The following DMRT1 variants were observed in gnomAD, a reference collection of about 807,000 sequenced individuals.
DMRT1 encodes doublesex and mab-3 related transcription factor 1, also known as doublesex- and mab-3-related transcription factor 1.
A neutral mutation model predicts 32.3 loss-of-function variants in DMRT1; 7 were observed. The ratio of observed to expected loss-of-function variants is 0.22; its 90% confidence interval spans 0.12 to 0.41. The LOEUF (loss-of-function observed/expected upper bound fraction) is 0.41. Among genes scored for constraint, DMRT1 ranks in the 10% least tolerant of loss-of-function variants. DMRT1 has a pLI of 1.00. For synonymous variants in DMRT1, 278 were observed against 206.1 expected, an observed-to-expected ratio of 1.35 and a Z score of -2.99; for missense variants, 625 against 500.5, an observed-to-expected ratio of 1.25 and a Z score of -2.37.
chr9:895,801 CTT>C lies in DMRT1; in HGVS notation c.822+1627_822+1628del, dbSNP rs1187539144. The stretch of plus-strand genomic sequence containing the variant: ...GAATTTACTCATCTTATAACTGAAA[CTT>C]TTTTTTTTTTTTTTTTTTTTGAGAG... On this transcript the variant is annotated intron_variant, in intron 3 of 4. Coordinates refer to ENST00000382276, the MANE Select transcript of DMRT1 (RefSeq NM_021951.3). 4.8e-3 allele frequency among the ~76,000 whole-genome samples: 587 copies of C among 121,930 alleles called. 3 individuals carry two copies. The highest frequency in any genetic ancestry group is 0.017 in the African/African-American group (526 of 31,096). The allele number at this position is 121,930 out of a possible 152,430, so 80.0% of individuals were successfully genotyped here.
rs572130915 is a variant in DMRT1 at position 927,924 on chromosome 9, T to C, written c.967+11017T>C. Among the ~76,000 whole-genome samples the C allele has an allele frequency of 2.6e-5, 4 of 152,360 alleles. No individual in the cohort carries two copies. In the South Asian group the frequency reaches 8.3e-4, roughly 32 times the overall value. The stretch of plus-strand genomic sequence containing the variant: ...GTGGTACATTGGAATGTCCGTTTGA[T>C]AGGAGGGCAAAGAGGAGAAACCCAT... On this transcript the variant is annotated intron_variant, in intron 4 of 4. Transcript: ENST00000382276.
chr9:844,820 A>G (rs1838836406), intron 1 of DMRT1, among the ~76,000 whole-genome samples: 1 of 149,650 alleles, frequency 6.7e-6, no homozygotes, highest in South Asian at 2.1e-4. Context: ...TCCTGGGTTC[A>G]AGCGATTCTT....
chr9:966,287 T>C (rs561487593), intron 4 of DMRT1, among the ~76,000 whole-genome samples: 1 of 152,342 alleles, frequency 6.6e-6, no homozygotes, highest in East Asian at 1.9e-4. Context: ...TTGGTTGCTA[T>C]ATTTATATAT....
intron 2 of DMRT1, among the ~76,000 whole-genome samples, chr9:888,043 T>C (rs1816998992): frequency 6.6e-6 from 1 of 152,214 alleles, no homozygotes; most frequent in Non-Finnish European, 1.5e-5. Context: ...TTCTGAAGAA[T>C]ATTAAATTTT....
Position 858,237 on chromosome 9 carries a change from T to C in DMRT1, c.538+11094T>C, listed in dbSNP as rs149193568. ...GGGAAGAGGGCAGTTCACAAAGACT[T>C]TCAGACCTGGTTGTAGCATTGGGGA... On this transcript the variant is annotated intron_variant, in intron 2 of 4. Coordinates refer to ENST00000382276, the MANE Select transcript of DMRT1 (RefSeq NM_021951.3). Among the ~76,000 whole-genome samples the C allele has an allele frequency of 1.9e-3, 291 of 152,242 alleles. 2 individuals are homozygous for C. The highest frequency in any genetic ancestry group is 6.8e-3 in the African/African-American group (281 of 41,538).
chr9:931,362 A>C (rs1178503160), intron 4 of DMRT1, among the ~76,000 whole-genome samples: 2 of 152,216 alleles, frequency 1.3e-5, no homozygotes, highest in Admixed American at 6.5e-5. Flanking sequence ...TGAATTCAAC[A>C]TACAAATGTA....
At chr9:946,317 C>A (rs937185804) in intron 4 of DMRT1, among the ~76,000 whole-genome samples, 1 of 152,044 alleles carries the variant, frequency 6.6e-6, no homozygotes, top group Non-Finnish European at 1.5e-5. Flanking sequence ...TTGGTATTAT[C>A]CAACATGTAC....
In DMRT1 at chr9:966,563, G is replaced by A. The variant is rs374482698; in HGVS notation, c.968-1422G>A. 2.6e-5 allele frequency among the ~76,000 whole-genome samples: 4 copies of A among 152,062 alleles called. No homozygotes were observed. In the East Asian group the frequency reaches 5.8e-4, roughly 22 times the overall value. On this transcript the variant is annotated intron_variant, in intron 4 of 4. Transcript: ENST00000382276. Reference sequence around the variant, plus strand: ...GGTAGCTGTACAAAACTATCCATTTGTCTATCTGTCTACCCATATGTCACA... The same window carrying A: ...GGTAGCTGTACAAAACTATCCATTTATCTATCTGTCTACCCATATGTCACA...
chr9:954,760 G>C (rs1334636957), intron 4 of DMRT1, among the ~76,000 whole-genome samples: 1 of 152,104 alleles, frequency 6.6e-6, no homozygotes, highest in Non-Finnish European at 1.5e-5. Context: ...TCCTGCCTCA[G>C]CCTCCCTAGT....
intron 3 of DMRT1, among the ~76,000 whole-genome samples, chr9:914,398 C>T (rs750775376): frequency 3.3e-5 from 5 of 151,706 alleles, no homozygotes; most frequent in Middle Eastern, 3.2e-3. Context: ...CACGGTAAAA[C>T]CCTGTCTCTT....
chr9:877,258 G>T (rs890121123), intron 2 of DMRT1, among the ~76,000 whole-genome samples: 1 of 152,134 alleles, frequency 6.6e-6, no homozygotes, highest in African/African-American at 2.4e-5. Context: ...AAAATTGAGT[G>T]GTCTCGTTCC....
chr9:965,565 G>T lies in DMRT1; in HGVS notation c.968-2420G>T, dbSNP rs1819906404. Among the ~76,000 whole-genome samples, 1 of 152,188 alleles carries T rather than the reference G, an allele frequency of 6.6e-6. No homozygotes were observed. The highest frequency in any genetic ancestry group is 1.5e-5 in the Non-Finnish European group (1 of 68,034). ...AAAATTCCCACTCCTCCCCTTTTCAGTCCCAAGTTGGCTAAATGAGGAGAG... is the reference window on the plus strand; with the variant it reads ...AAAATTCCCACTCCTCCCCTTTTCATTCCCAAGTTGGCTAAATGAGGAGAG... On this transcript the variant is annotated intron_variant, in intron 4 of 4. Transcript: ENST00000382276. The surrounding 1 kb of genome is among the most constrained non-coding windows in gnomAD (Gnocchi z 4.5).
Position 870,403 on chromosome 9 carries a change from A to AAACTAACAACAACAAC in DMRT1, c.538+23263_538+23264insTAACAACAACAACAAC, listed in dbSNP as rs77281108. On this transcript the variant is annotated intron_variant, in intron 2 of 4. Coordinates refer to ENST00000382276, the MANE Select transcript of DMRT1 (RefSeq NM_021951.3). ...AACAAGAATGAAACTCTGTCTCAAA[A>AAACTAACAACAACAAC]AACAACAACAATAACAACAACAACA... Among the ~76,000 whole-genome samples the AAACTAACAACAACAAC allele has an allele frequency of 9.9e-3, 1,491 of 151,260 alleles. 17 individuals carry two copies. The highest frequency in any genetic ancestry group is 0.031 in the Middle Eastern group (9 of 294).
intron 4 of DMRT1, among the ~76,000 whole-genome samples, chr9:919,262 T>C (rs1980686): frequency 0.77 from 117,381 of 152,038 alleles, 45,584 homozygotes; most frequent in South Asian, 0.91. Flanking sequence ...AAGTCTTATT[T>C]AAGTATAAAT....
chr9:947,618 A>G (rs1016016020), intron 4 of DMRT1, among the ~76,000 whole-genome samples: 1 of 152,084 alleles, frequency 6.6e-6, no homozygotes, highest in Non-Finnish European at 1.5e-5. Flanking sequence ...CAACCCCTTC[A>G]CTTTATTTTT....
At chr9:904,065 G>A (rs1817683987) in intron 3 of DMRT1, among the ~76,000 whole-genome samples, 1 of 152,232 alleles carries the variant, frequency 6.6e-6, no homozygotes, top group Non-Finnish European at 1.5e-5. Context: ...GGAGGCAGAA[G>A]CATATTATTA....
intron 4 of DMRT1, among the ~76,000 whole-genome samples, chr9:920,289 G>T (rs185329600): frequency 1.3e-5 from 2 of 152,302 alleles, no homozygotes; most frequent in East Asian, 3.9e-4. Flanking sequence ...TGTCTCCAGT[G>T]TTTATGGCCC....
rs375656544 is a variant in DMRT1, at chr9:847,614, C to A, written c.538+471C>A. Among the ~76,000 whole-genome samples the A allele has an allele frequency of 8.5e-5, 13 of 152,306 alleles. No homozygotes were observed. In the South Asian group the frequency reaches 2.7e-3, roughly 32 times the overall value. ...GCCACGTTGGCTTGAATTCTCTCCC[C>A]TGGGTGCTAAGGAGGAATGTGTTCT... On this transcript the variant is annotated intron_variant, in intron 2 of 4. Coordinates refer to ENST00000382276, the MANE Select transcript of DMRT1 (RefSeq NM_021951.3).
chr9:947,614 C>T (rs531595205), intron 4 of DMRT1, among the ~76,000 whole-genome samples: 1 of 152,162 alleles, frequency 6.6e-6, no homozygotes, highest in African/African-American at 2.4e-5. Context: ...AGCTCAACCC[C>T]TTCACTTTAT....
Sources: gnomAD v4.1 joint callset for allele counts (sites outside exome capture counted in the v4.1 genomes callset) on GRCh38, gnomAD v4.1.1 for gene constraint, Gnocchi (gnomAD v3.1) non-coding constraint, MANE v1.5 for transcripts, NCBI Gene and HGNC (gene_info 2026-07-23, HGNC 2026-07-21) for gene names.